The following BMI1 variants were observed in gnomAD, a reference collection of about 807,000 sequenced individuals.
BMI1 encodes the protein BMI1 proto-oncogene, polycomb ring finger.
A neutral mutation model predicts 39.1 loss-of-function variants in BMI1; 9 were observed. The observed-to-expected ratio is 0.23, with a 90% CI of 0.14 to 0.40. BMI1 has a LOEUF of 0.40. Among genes scored for constraint, BMI1 ranks in the 10% least tolerant of loss-of-function variants. The pLI, the probability that BMI1 is intolerant of heterozygous loss-of-function variation, is 1.00. For synonymous variants in BMI1, 131 were observed against 127.9 expected (o/e 1.02, Z -0.16); for missense variants, 252 against 390.8 (o/e 0.64, Z 2.99).
chr10:22,328,737 T>A, intron 8 of BMI1, 39 bp downstream of exon 8: 1 of 1,524,462 alleles, frequency 6.6e-7, no homozygotes, highest in Non-Finnish European at 8.8e-7. Flanking sequence ...TTACATAGAT[T>A]TTACAATTTT....
intron 1 of BMI1, chr10:22,326,156 C>A: frequency 3.2e-6 from 1 of 309,920 alleles, no homozygotes; most frequent in South Asian, 4.0e-5. Context: ...AGAAAGAGAC[C>A]CTAATACGCT....
At chr10:22,328,536 A>G (rs1836211508) in intron 7 of BMI1, 64 bp from the exon 8 acceptor site, 1 of 1,516,522 alleles carries the variant, frequency 6.6e-7, no homozygotes, top group South Asian at 1.3e-5. Context: ...TCAAGCAATC[A>G]AATTGAAACT....
rs1416895815 is a variant in BMI1 at position 22,330,559 on chromosome 10, T to G, written c.*1017T>G. 1 of 152,228 alleles carries G rather than the reference T, an allele frequency of 6.6e-6. No homozygotes were observed. The highest frequency in any genetic ancestry group is 1.9e-4 in the East Asian group (1 of 5,208). 9.4% of individuals were successfully genotyped at this position (152,228 alleles called of 1,614,324 possible). A position where few individuals can be genotyped will look rare whatever the true frequency, so the allele number is the denominator to read the frequency against. On this transcript the variant is annotated 3_prime_UTR_variant, in exon 10 of 10. Transcript: ENST00000376663. ...TTAACTGAGAAATATGGAAACCGTCTTAATTTTCCATTGGCTATGATGGAA... is the reference window on the plus strand; with the variant it reads ...TTAACTGAGAAATATGGAAACCGTCGTAATTTTCCATTGGCTATGATGGAA...
At position 22,330,245 on chromosome 10, in the gene BMI1, A is replaced by C. The variant is rs922723811; in HGVS notation, c.*703A>C. On this transcript the variant is annotated 3_prime_UTR_variant, in exon 10 of 10. Transcript: ENST00000376663. ...TTGTTGTACAATGCCATATTGGTAT[A>C]TGACATAACAGGAAACAGTATTGTA... 5.2e-5 allele frequency: 8 copies of C among 152,562 alleles called. No homozygotes were observed. Among genetic ancestry groups the C allele is most frequent in the African/African-American group, 1.9e-4 (8 of 41,464 alleles). The allele number at this position is 152,562 out of a possible 1,614,324, so 9.5% of individuals were successfully genotyped here.
chr10:22,322,858 T>A (rs1042598525), intron 1 of BMI1, among the ~76,000 whole-genome samples: 56 of 152,332 alleles, frequency 3.7e-4, no homozygotes, highest in African/African-American at 1.3e-3. Flanking sequence ...TATGGCATGA[T>A]CTTTTTCCCA....
In BMI1 at chr10:22,329,378, C is replaced by T; in HGVS notation, c.817C>T (p.Pro273Ser). 1 of 1,614,184 alleles carries T rather than the reference C, an allele frequency of 6.2e-7. No homozygotes were observed. The highest frequency in any genetic ancestry group is 8.5e-7 in the Non-Finnish European group (1 of 1,180,024). Residue 273 changes from proline to serine, a missense_variant, in exon 10 of 10, where the codon CCT becomes TCT. Transcript: ENST00000376663. ...GGIPSTSSCL[P>S]SPSTPVQSPH... ...TATTCCCTCCACCTCTTCTTGTTTG[C>T]CTAGCCCCAGTACTCCAGTGCAGTC...
Position 22,331,435 on chromosome 10 carries a change from G to A in BMI1, c.*1893G>A, listed in dbSNP as rs935397700. 3.9e-5 allele frequency: 6 copies of A among 152,116 alleles called. No individual in the cohort carries two copies. Among genetic ancestry groups the A allele is most frequent in the African/African-American group, 1.2e-4 (5 of 41,442 alleles). 9.4% of individuals were successfully genotyped at this position (152,116 alleles called of 1,614,324 possible). ...ATTGCTTGAAAGCCCATTGAAAGAT[G>A]TATCTGTTTATTTACAGTCTTTGAA... On this transcript the variant is annotated 3_prime_UTR_variant, in exon 10 of 10. Transcript: ENST00000376663.
Position 22,331,180 on chromosome 10 carries a change from T to G in BMI1, c.*1638T>G, listed in dbSNP as rs185472383. 6.5e-6 allele frequency: 1 copy of G among 152,724 alleles called. No homozygotes were observed. The highest frequency in any genetic ancestry group is 1.9e-4 in the East Asian group (1 of 5,196). 9.5% of individuals were successfully genotyped at this position (152,724 alleles called of 1,614,324 possible). A position where few individuals can be genotyped will look rare whatever the true frequency, so the allele number is the denominator to read the frequency against. On this transcript the variant is annotated 3_prime_UTR_variant, in exon 10 of 10. Transcript: ENST00000376663. Reference sequence around the variant, plus strand: ...AATTTGTACAGTCCCATTGTAAGTGTTGTTTCTAATTATAGATGTAAAATG... The same window carrying G: ...AATTTGTACAGTCCCATTGTAAGTGGTGTTTCTAATTATAGATGTAAAATG...
chr10:22,326,702 T>C, intron 2 of BMI1, 141 bp downstream of exon 2: 1 of 1,382,844 alleles, frequency 7.2e-7, no homozygotes, highest in Non-Finnish European at 9.7e-7. Flanking sequence ...TTGCATCTAA[T>C]GACTTTTTGT....
Position 22,327,801 on chromosome 10 carries a change from T to C in BMI1, c.316+9T>C, listed in dbSNP as rs1588620840. The stretch of plus-strand genomic sequence containing the variant: ...TCATCCTTCTGCTGATGGTAAACCT[T>C]TTAGGGGAGGGAAGACATTTTATAT... On this transcript the variant is annotated intron_variant, in intron 5 of 9. Transcript: ENST00000376663. 1 of 1,613,190 alleles carries C rather than the reference T, an allele frequency of 6.2e-7. No individual in the cohort carries two copies. Among genetic ancestry groups the C allele is most frequent in the East Asian group, 2.2e-5 (1 of 44,762 alleles).
At position 22,326,696 on chromosome 10, in the gene BMI1, A is replaced by G. The variant is rs144389496; in HGVS notation, c.112+135A>G. 63 of 1,409,012 alleles carry G rather than the reference A, an allele frequency of 4.5e-5. No individual in the cohort carries two copies. The African/African-American group carries it at 6.8e-4, about 15-fold the overall frequency. 87.3% of individuals were successfully genotyped at this position (1,409,012 alleles called of 1,614,324 possible). A position where few individuals can be genotyped will look rare whatever the true frequency, so the allele number is the denominator to read the frequency against. ...TGGTGAAGGCATTTTCTTCTCTTGC[A>G]TCTAATGACTTTTTGTTAATATGTA... On this transcript the variant is annotated intron_variant, in intron 2 of 9. Coordinates refer to ENST00000376663, the MANE Select transcript of BMI1 (RefSeq NM_005180.9).
At chr10:22,326,743 AAT>A (rs1377774964) in intron 2 of BMI1, 145 bp from the exon 3 acceptor site, 8 of 1,296,158 alleles carry the variant, frequency 6.2e-6, no homozygotes, top group Non-Finnish European at 8.5e-6. Flanking sequence ...ACAAGCATGC[AAT>A]ATATGTGTTC....
intron 3 of BMI1, 145 bp from the exon 4 acceptor site, chr10:22,327,450 A>C (rs1243943866): frequency 2.4e-6 from 2 of 830,056 alleles, no homozygotes; most frequent in Non-Finnish European, 1.8e-6. Flanking sequence ...TTTTATTCTC[A>C]TAGTTTTTAT....
chr10:22,324,107 C>T (rs772572459), intron 1 of BMI1, among the ~76,000 whole-genome samples: 5 of 152,128 alleles, frequency 3.3e-5, no homozygotes, highest in Admixed American at 6.5e-5. Context: ...GGTAGATAAC[C>T]CTCCACTGAG....
intron 8 of BMI1, 67 bp downstream of exon 8, chr10:22,328,765 T>G (rs1836219174): frequency 6.8e-7 from 1 of 1,481,328 alleles, no homozygotes; most frequent in Non-Finnish European, 9.0e-7. Context: ...TTTTTCACTT[T>G]GGATTTTGAA....
rs1391872111 is a variant in BMI1, at chr10:22,321,182, C to A, written c.-534C>A. On this transcript the variant is annotated 5_prime_UTR_variant, in exon 1 of 10. Coordinates refer to ENST00000376663, the MANE Select transcript of BMI1 (RefSeq NM_005180.9). ...CTCCCCCCGCTCGCACGCACACACA[C>A]GGCGCCCCCCGCCCGCCCGCCTCCC... The A allele has an allele frequency of 2.0e-5, 3 of 149,050 alleles. No individual in the cohort carries two copies. Among genetic ancestry groups the A allele is most frequent in the Non-Finnish European group, 4.5e-5 (3 of 66,848 alleles). The allele number at this position is 149,050 out of a possible 1,614,324, so 9.2% of individuals were successfully genotyped here.
At position 22,328,143 on chromosome 10, in the gene BMI1, G is replaced by A; in HGVS notation, c.435G>A (p.Arg145=). Residue 145 remains arginine, a synonymous_variant, in exon 7 of 10, where the codon CGG becomes CGA. Transcript: ENST00000376663. ...ATTTTCTCTTTATTAGATTGGATCG[G>A]AAAGTAAACAAAGACAAAGAGAAAT... ...IEFFDQNRLD[R]KVNKDKEKSK... The A allele has an allele frequency of 5.6e-6, 9 of 1,601,376 alleles. No individual in the cohort carries two copies. The highest frequency in any genetic ancestry group is 7.7e-6 in the Non-Finnish European group (9 of 1,176,444).
rs540444398 is a variant in BMI1, at chr10:22,328,777, C to A, written c.570+79C>A. On this transcript the variant is annotated intron_variant, in intron 8 of 9. Transcript: ENST00000376663. ...ACATTTTTCACTTTGGATTTTGAAC[C>A]CAAAAAAGCAATAGAAAAAAAATGT... is the stretch of plus-strand genomic sequence containing the variant. 8.5e-6 allele frequency: 12 copies of A among 1,405,598 alleles called. No homozygotes were observed. The African/African-American group carries it at 1.2e-4, about 14-fold the overall frequency. 87.1% of individuals were successfully genotyped at this position (1,405,598 alleles called of 1,614,324 possible).
At position 22,329,198 on chromosome 10, in the gene BMI1, CTTT is replaced by C; in HGVS notation, c.652-13_652-11del. 1.2e-6 allele frequency: 2 copies of C among 1,609,152 alleles called. No homozygotes were observed. Among genetic ancestry groups the C allele is most frequent in the Non-Finnish European group, 1.7e-6 (2 of 1,178,346 alleles). ...TAAAGAATTAAGAGTAATTTTTTTCCTTTTAACTTTGTAGAATGGTCCACTTCC... is the reference window on the plus strand; with the variant it reads ...TAAAGAATTAAGAGTAATTTTTTTCCTAACTTTGTAGAATGGTCCACTTCC... On this transcript the variant is annotated splice_polypyrimidine_tract_variant and intron_variant, in intron 9 of 9. Coordinates refer to ENST00000376663, the MANE Select transcript of BMI1 (RefSeq NM_005180.9).
Sources: allele counts gnomAD v4.1 joint callset (sites outside exome capture counted in the v4.1 genomes callset), GRCh38; gene constraint gnomAD v4.1.1; transcripts MANE v1.5; gene names NCBI Gene and HGNC (gene_info 2026-07-23, HGNC 2026-07-21).